The following ZMAT4 variants were observed in gnomAD, a reference collection of about 807,000 sequenced individuals.
ZMAT4 encodes zinc finger matrin-type protein 4.
ZMAT4 carries 17 observed loss-of-function variants against 28.7 expected under a neutral mutation model. The observed-to-expected ratio is 0.59, with a 90% CI of 0.41 to 0.89. The LOEUF (loss-of-function observed/expected upper bound fraction) is 0.89. Among genes scored for constraint, ZMAT4 ranks in the 40% least tolerant of loss-of-function variants. ZMAT4 has a pLI of 0.00. For missense variants in ZMAT4, 240 were observed against 283.8 expected, an observed-to-expected ratio of 0.85 and a Z score of 1.11; for synonymous variants, 117 against 109.2, an observed-to-expected ratio of 1.07 and a Z score of -0.44.
chr8:40,735,783 C>T (rs183632590), intron 3 of ZMAT4, among the ~76,000 whole-genome samples: 43 of 152,182 alleles, frequency 2.8e-4, no homozygotes, highest in African/African-American at 8.2e-4. Flanking sequence ...GACATATGGA[C>T]GTTTAACCGC....
At chr8:40,707,039 CG>C (rs1810387464) in intron 3 of ZMAT4, among the ~76,000 whole-genome samples, 1 of 152,138 alleles carries the variant, frequency 6.6e-6, no homozygotes, top group Non-Finnish European at 1.5e-5. Context: ...CCTCCAGCTA[CG>C]TTAAGGATAT....
At chr8:40,854,947 G>A (rs909696125) in intron 1 of ZMAT4, among the ~76,000 whole-genome samples, 5 of 151,690 alleles carry the variant, frequency 3.3e-5, no homozygotes, top group East Asian at 3.9e-4. Flanking sequence ...ACACACACAC[G>A]CAGAAAAACA....
chr8:40,735,851 A>G (rs1232558024), intron 3 of ZMAT4, among the ~76,000 whole-genome samples: 2 of 152,198 alleles, frequency 1.3e-5, no homozygotes, highest in Non-Finnish European at 2.9e-5. Context: ...GCGCTCGGGA[A>G]GCATCTTCCT....
intron 5 of ZMAT4, among the ~76,000 whole-genome samples, chr8:40,645,691 A>G (rs1356509375): frequency 6.6e-6 from 1 of 152,164 alleles, no homozygotes; most frequent in Non-Finnish European, 1.5e-5. Flanking sequence ...CATCTCCAAC[A>G]CTGGCTGAGA....
chr8:40,836,652 C>T (rs1586143010), intron 1 of ZMAT4, among the ~76,000 whole-genome samples: 2 of 152,046 alleles, frequency 1.3e-5, no homozygotes, highest in Non-Finnish European at 2.9e-5. Context: ...AAGTCAAAAA[C>T]AACTGAAATG....
At chr8:40,820,746 T>G (rs561130037) in intron 2 of ZMAT4, among the ~76,000 whole-genome samples, 47 of 182 alleles carry the variant, frequency 0.26, no homozygotes, top group African/African-American at 0.4. Context: ...TGTTTATGTG[T>G]GCATTTGTGC....
chr8:40,748,502 G>A (rs1318997923), intron 3 of ZMAT4, among the ~76,000 whole-genome samples: 3 of 152,182 alleles, frequency 2.0e-5, no homozygotes, highest in African/African-American at 7.2e-5. Flanking sequence ...TGTGTGTGCT[G>A]TCATCTAGAG....
At chr8:40,801,547 G>A (rs1237319362) in intron 2 of ZMAT4, among the ~76,000 whole-genome samples, 5 of 151,608 alleles carry the variant, frequency 3.3e-5, no homozygotes, top group Non-Finnish European at 1.5e-5. Context: ...GTGCACACCT[G>A]TAATCCCAGC....
intron 6 of ZMAT4, among the ~76,000 whole-genome samples, chr8:40,533,900 T>C (rs764018363): frequency 4.6e-5 from 7 of 152,170 alleles, no homozygotes; most frequent in Non-Finnish European, 1.0e-4. Flanking sequence ...GACATAAGGG[T>C]TGAAAGTTCT....
chr8:40,541,767 A>G (rs999651635), intron 6 of ZMAT4, among the ~76,000 whole-genome samples: 3 of 152,210 alleles, frequency 2.0e-5, no homozygotes, highest in African/African-American at 7.2e-5. Flanking sequence ...AGCCACTGCT[A>G]TGTTGTAATA....
intron 6 of ZMAT4, among the ~76,000 whole-genome samples, chr8:40,538,212 A>G (rs1802910926): frequency 6.6e-6 from 1 of 152,182 alleles, no homozygotes; most frequent in Non-Finnish European, 1.5e-5. Context: ...TGCAAATAAA[A>G]ACTTGTGCCT....
At chr8:40,823,511 T>A (rs772858873) in intron 2 of ZMAT4, among the ~76,000 whole-genome samples, 2 of 151,996 alleles carry the variant, frequency 1.3e-5, no homozygotes, top group Non-Finnish European at 2.9e-5. Context: ...ACAAAAAAAT[T>A]AGCCAGGTGT....
intron 1 of ZMAT4, among the ~76,000 whole-genome samples, chr8:40,859,312 C>T (rs1191359201): frequency 1.3e-5 from 2 of 152,180 alleles, no homozygotes; most frequent in Non-Finnish European, 2.9e-5. Context: ...TCAGGTGACA[C>T]AAATTCACAA....
At chr8:40,641,994 T>C (rs1259551897) in intron 5 of ZMAT4, among the ~76,000 whole-genome samples, 1 of 152,180 alleles carries the variant, frequency 6.6e-6, no homozygotes, top group African/African-American at 2.4e-5. Context: ...AATGGCCTTA[T>C]ACTCTTTATT....
chr8:40,803,058 C>G (rs945061895), intron 2 of ZMAT4, among the ~76,000 whole-genome samples: 1 of 152,056 alleles, frequency 6.6e-6, no homozygotes, highest in Non-Finnish European at 1.5e-5. Flanking sequence ...CTTACATTCT[C>G]CACAAAAAGG....
intron 2 of ZMAT4, among the ~76,000 whole-genome samples, chr8:40,774,253 T>C (rs951779538): frequency 3.3e-5 from 5 of 152,302 alleles, no homozygotes; most frequent in African/African-American, 1.2e-4. Flanking sequence ...GAAATACTAA[T>C]AGTTAAAAGA....
intron 2 of ZMAT4, among the ~76,000 whole-genome samples, chr8:40,805,993 T>A (rs1256068643): frequency 6.6e-6 from 1 of 152,008 alleles, no homozygotes; most frequent in African/African-American, 2.4e-5. Context: ...ATGAACCTTG[T>A]CTGAGAAAAA....
At chr8:40,682,264 G>A in intron 4 of ZMAT4, among the ~76,000 whole-genome samples, 1 of 152,166 alleles carries the variant, frequency 6.6e-6, no homozygotes, top group East Asian at 1.9e-4. Context: ...ACCTTGTGGT[G>A]CCACAACCCA....
intron 2 of ZMAT4, among the ~76,000 whole-genome samples, chr8:40,818,334 CA>C: frequency 6.6e-6 from 1 of 152,282 alleles, no homozygotes; most frequent in South Asian, 2.1e-4. Flanking sequence ...GACAAGGAAA[CA>C]GAAGTTGAAC....
Sources: gnomAD v4.1 joint callset for allele counts (sites outside exome capture counted in the v4.1 genomes callset) on GRCh38, gnomAD v4.1.1 for gene constraint, MANE v1.5 for transcripts, NCBI Gene and HGNC (gene_info 2026-07-23, HGNC 2026-07-21) for gene names.